Variants in RECQL observed in about 807,000 individuals in gnomAD.
RECQL encodes ATP-dependent DNA helicase Q1.
In RECQL, 73 loss-of-function variants were observed where a neutral mutation model predicts 75.8. The observed-to-expected ratio is 0.96, with a 90% CI of 0.80 to 1.17. The LOEUF is 1.17. Among genes scored for constraint, RECQL ranks in the 50% most tolerant of loss-of-function variants. RECQL has a pLI of 0.00. For synonymous variants in RECQL, 248 were observed against 254.4 expected, an observed-to-expected ratio of 0.97 and a Z score of 0.24; for missense variants, 699 against 772.1, an observed-to-expected ratio of 0.91 and a Z score of 1.12.
chr12:21,488,305 A>G (rs1367093497), intron 4 of RECQL, among the ~76,000 whole-genome samples: 4 of 152,108 alleles, frequency 2.6e-5, no homozygotes, highest in Admixed American at 1.3e-4. Flanking sequence ...TGGTTATCCT[A>G]TATGTTGCTA....
intron 7 of RECQL, 21 bp from the exon 8 acceptor site, chr12:21,477,013 T>TTA (rs1485459687): frequency 1.3e-6 from 2 of 1,571,300 alleles, no homozygotes; most frequent in Non-Finnish European, 1.7e-6. Flanking sequence ...CTTAACTTAT[T>TTA]AAAAAGTAAA....
At chr12:21,494,642 T>G (rs1943471596) in intron 2 of RECQL, among the ~76,000 whole-genome samples, 2 of 152,042 alleles carry the variant, frequency 1.3e-5, no homozygotes, top group Admixed American at 1.3e-4. Context: ...TTCAGAGGCT[T>G]AGAGAGAGAG....
In RECQL at chr12:21,490,226, A is replaced by G. The variant is rs369075997; in HGVS notation, c.367T>C (p.Tyr123His). ...MPTGGGKSLC[Y>H]QLPALCSDGF... is the part of the protein sequence containing the mutation. ...TCTGAACATAATGCTGGTAACTGGT[A>G]ACATAAGCTCTTTCCACCTCCTGTA... The change falls in exon 4 of 15, where the codon TAC (tyrosine) becomes CAC (histidine). Residue 123 changes from tyrosine to histidine, a missense_variant. Physicochemically the swap from Tyr to His is moderately conservative, Grantham distance 83 (BLOSUM62 2). Around this residue, in one of 2 missense-constraint regions of RECQL, gnomAD observed 669 missense variants for 713.5 expected, o/e 0.94. Coordinates refer to ENST00000444129, the MANE Select transcript of RECQL (RefSeq NM_002907.4). The G allele has an allele frequency of 6.2e-7, 1 of 1,612,276 alleles. No homozygotes were observed. The highest frequency in any genetic ancestry group is 8.5e-7 in the Non-Finnish European group (1 of 1,178,736).
At position 21,469,627 on chromosome 12, in the gene RECQL, TATTCTC is replaced by T. The variant is rs967211008; in HGVS notation, c.*561_*566del. ...AAAACTTAAGACAATTACATGAACT[TATTCTC>T]AAATATTTTACATTTTTTGTAAACT... On this transcript the variant is annotated 3_prime_UTR_variant, in exon 15 of 15. Coordinates refer to ENST00000444129, the MANE Select transcript of RECQL (RefSeq NM_002907.4). 1.3e-5 allele frequency: 2 copies of T among 151,730 alleles called. No homozygotes were observed. Among genetic ancestry groups the T allele is most frequent in the African/African-American group, 4.8e-5 (2 of 41,248 alleles). 9.4% of individuals were successfully genotyped at this position (151,730 alleles called of 1,614,324 possible).
chr12:21,491,788 G>T, intron 2 of RECQL, 72 bp from the exon 3 acceptor site: 1 of 1,339,388 alleles, frequency 7.5e-7, no homozygotes, highest in Non-Finnish European at 1.0e-6. Context: ...ATTGATTTCT[G>T]GGTGTTGCCC....
At chr12:21,495,978 T>C (rs901188832) in intron 2 of RECQL, among the ~76,000 whole-genome samples, 3 of 152,200 alleles carry the variant, frequency 2.0e-5, no homozygotes, top group Admixed American at 6.5e-5. Flanking sequence ...AATCCACCCA[T>C]TGGTCTCCTG....
intron 2 of RECQL, among the ~76,000 whole-genome samples, chr12:21,492,267 T>G (rs1943428801): frequency 6.6e-6 from 1 of 152,178 alleles, no homozygotes; most frequent in Non-Finnish European, 1.5e-5. Flanking sequence ...AGAAATCAAG[T>G]GTACTATTGG....
At chr12:21,500,616 T>C (rs148220386) in intron 1 of RECQL, among the ~76,000 whole-genome samples, 80 of 152,350 alleles carry the variant, frequency 5.3e-4, no homozygotes, top group African/African-American at 1.9e-3. Flanking sequence ...TTTCTAATTC[T>C]TGATCTATAC....
chr12:21,475,127 CAAATT>C lies in RECQL; in HGVS notation c.1217-153_1217-149del, dbSNP rs1371887606. The C allele has an allele frequency of 6.8e-6, 5 of 733,148 alleles. No homozygotes were observed. In the African/African-American group the frequency reaches 7.2e-5, roughly 10 times the overall value. 45.4% of individuals were successfully genotyped at this position (733,148 alleles called of 1,614,324 possible). A position where few individuals can be genotyped will look rare whatever the true frequency, so the allele number is the denominator to read the frequency against. On this transcript the variant is annotated intron_variant, in intron 10 of 14. Transcript: ENST00000444129. ...GAAGTTAATTTGTAATGGGTACCCT[CAAATT>C]AAAAAAAACTCTAAAGAGACATCAA...
chr12:21,499,457 C>T, intron 2 of RECQL, 98 bp downstream of exon 2: 1 of 1,153,302 alleles, frequency 8.7e-7, no homozygotes, highest in South Asian at 1.5e-5. Context: ...TGAAAAAAAT[C>T]ATTTCTATAA....
At position 21,477,874 on chromosome 12, in the gene RECQL, G is replaced by C. The variant is rs572725483; in HGVS notation, c.796C>G (p.Gln266Glu). ...CACTTTTCAATGCACAAAATTTTCT[G>C]AGCATCCGTCAAAACGTGATTTGTT... The part of the protein sequence containing the change: ...TATNHVLTDA[Q>E]KILCIEKCFT... The change falls in exon 7 of 15, where the codon CAG becomes GAG. Residue 266 changes from glutamine to glutamate, a missense_variant. Physicochemically the swap from Gln to Glu is conservative, Grantham distance 29. This residue lies in a region of RECQL where 669 missense variants were observed against 713.5 expected (regional missense o/e 0.94). Coordinates refer to ENST00000444129, the MANE Select transcript of RECQL (RefSeq NM_002907.4). The C allele has an allele frequency of 1.9e-6, 3 of 1,613,904 alleles. No individual in the cohort carries two copies. The East Asian group carries it at 6.7e-5, about 36-fold the overall frequency.
intron 4 of RECQL, among the ~76,000 whole-genome samples, chr12:21,489,429 G>C (rs1943367356): frequency 6.6e-6 from 1 of 152,174 alleles, no homozygotes. Flanking sequence ...AGAAATGCAG[G>C]ATCTTTGGTC....
intron 13 of RECQL, 64 bp downstream of exon 13, chr12:21,471,364 T>C: frequency 7.0e-7 from 1 of 1,428,270 alleles, no homozygotes; most frequent in East Asian, 2.3e-5. Flanking sequence ...GTTTATTCTG[T>C]TGCAATTTTT....
At chr12:21,493,560 C>A (rs79640119) in intron 2 of RECQL, among the ~76,000 whole-genome samples, 4,696 of 152,250 alleles carry the variant, frequency 0.031, 103 homozygotes, top group Middle Eastern at 0.058. Flanking sequence ...AATTTCAATA[C>A]AAACTGAATT....
In RECQL at chr12:21,484,443, A is replaced by G. The variant is rs184934358; in HGVS notation, c.502-869T>C. Among the ~76,000 whole-genome samples the G allele has an allele frequency of 3.3e-5, 5 of 152,314 alleles. No individual in the cohort carries two copies. In the East Asian group the frequency reaches 9.6e-4, roughly 29 times the overall value. ...TATTATGTTCTTTTTCAATTTTAAG[A>G]AAGTACATTATTAGAAGGCAGTTTT... On this transcript the variant is annotated intron_variant, in intron 5 of 14. Coordinates refer to ENST00000444129, the MANE Select transcript of RECQL (RefSeq NM_002907.4).
chr12:21,481,379 A>T lies in RECQL; in HGVS notation c.700+1997T>A, dbSNP rs141452355. On this transcript the variant is annotated intron_variant, in intron 6 of 14. Coordinates refer to ENST00000444129, the MANE Select transcript of RECQL (RefSeq NM_002907.4). ...TAAAGTTTAGCAGTTAGCTAATTAG[A>T]TATGGGAATAATGTTTTACACTTTG... 2.4e-4 allele frequency among the ~76,000 whole-genome samples: 37 copies of T among 152,322 alleles called. 1 individual carries two copies. The East Asian group carries it at 6.8e-3, about 28-fold the overall frequency.
intron 2 of RECQL, 108 bp from the exon 3 acceptor site, chr12:21,491,824 A>C (rs1485827094): frequency 2.1e-6 from 2 of 972,148 alleles, no homozygotes; most frequent in Non-Finnish European, 3.0e-6. Context: ...GACAAACTTG[A>C]AGTAGTATAG....
intron 2 of RECQL, among the ~76,000 whole-genome samples, chr12:21,499,220 A>C (rs1943560369): frequency 6.6e-6 from 1 of 152,216 alleles, no homozygotes; most frequent in African/African-American, 2.4e-5. Flanking sequence ...ATAGTCAAGA[A>C]ACAGAAAGTA....
In RECQL at chr12:21,475,521, T is replaced by A; in HGVS notation, c.1163A>T (p.His388Leu). Residue 388 changes from histidine (H) to leucine (L), a missense_variant, in exon 10 of 15, where the codon CAT becomes CTT. Physicochemically the swap from His to Leu is moderately conservative, Grantham distance 99. This residue lies in a region of RECQL where 669 missense variants were observed against 713.5 expected (regional missense o/e 0.94). Transcript: ENST00000444129. ...TTCCATGGATTTACTCATTGAATGA[T>A]GGATAACAAACCTCACATCTGGCTT... ...IDKPDVRFVI[H>L]HSMSKSMENY... 6.2e-7 allele frequency: 1 copy of A among 1,613,086 alleles called. No homozygotes were observed. Among genetic ancestry groups the A allele is most frequent in the Non-Finnish European group, 8.5e-7 (1 of 1,179,310 alleles).
Sources: allele counts gnomAD v4.1 joint callset (sites outside exome capture counted in the v4.1 genomes callset), GRCh38; gene constraint gnomAD v4.1.1; regional missense constraint gnomAD v4.1.1; transcripts MANE v1.5; gene names NCBI Gene and HGNC (gene_info 2026-07-23, HGNC 2026-07-21).